The following RCAN2 variants were observed in gnomAD, a reference collection of about 807,000 sequenced individuals.
RCAN2 encodes the protein regulator of calcineurin 2.
A neutral mutation model predicts 23.6 loss-of-function variants in RCAN2; 9 were observed. That is an observed-to-expected ratio of 0.38 (90% CI 0.23 to 0.67). RCAN2 has a LOEUF of 0.67. Ranked by LOEUF, RCAN2 falls within the 30% of genes least tolerant of loss-of-function variation. The pLI is 0.51. For synonymous variants in RCAN2, 109 were observed against 115.7 expected (o/e 0.94, Z 0.37); for missense variants, 273 against 302.3 (o/e 0.90, Z 0.72).
At chr6:46,353,993 G>A (rs112264540) in intron 2 of RCAN2, among the ~76,000 whole-genome samples, 2,309 of 152,142 alleles carry the variant, frequency 0.015, 20 homozygotes, top group Non-Finnish European at 0.024. Flanking sequence ...TTACTTTCTC[G>A]GGTATGGCAG....
chr6:46,446,937 A>T (rs1767730066), intron 2 of RCAN2, among the ~76,000 whole-genome samples: 1 of 152,182 alleles, frequency 6.6e-6, no homozygotes, highest in East Asian at 1.9e-4. Context: ...CAACAGATCT[A>T]CAAAGCAACT....
intron 2 of RCAN2, among the ~76,000 whole-genome samples, chr6:46,435,521 C>T (rs139998010): frequency 6.6e-6 from 1 of 152,318 alleles, no homozygotes; most frequent in East Asian, 1.9e-4. Flanking sequence ...AATGTTAATT[C>T]CTTCTAAAGT....
intron 4 of RCAN2, 68 bp downstream of exon 4, chr6:46,246,680 G>C: frequency 7.3e-7 from 1 of 1,361,402 alleles, no homozygotes. Context: ...TCTCAAGGTT[G>C]TTAATCTCAT....
intron 2 of RCAN2, among the ~76,000 whole-genome samples, chr6:46,329,708 G>A (rs1440759389): frequency 1.3e-5 from 2 of 152,190 alleles, no homozygotes; most frequent in South Asian, 2.1e-4. Context: ...GCTTAGCTCT[G>A]TTCAGGAGTG....
chr6:46,284,288 G>C (rs1334236984), intron 2 of RCAN2, among the ~76,000 whole-genome samples: 3 of 152,138 alleles, frequency 2.0e-5, no homozygotes, highest in African/African-American at 7.2e-5. Flanking sequence ...AGTCTCGGCA[G>C]AGTGGGCATC....
chr6:46,281,284 C>T (rs890964744), intron 2 of RCAN2, among the ~76,000 whole-genome samples: 1 of 152,330 alleles, frequency 6.6e-6, no homozygotes, highest in Admixed American at 6.5e-5. Flanking sequence ...GCAAGACCAG[C>T]TGTCACGAGC....
At chr6:46,424,413 T>C (rs1265893499) in intron 2 of RCAN2, among the ~76,000 whole-genome samples, 1 of 152,154 alleles carries the variant, frequency 6.6e-6, no homozygotes, top group Non-Finnish European at 1.5e-5. Flanking sequence ...GTCCTGCCTC[T>C]GAAGCAAAGG....
chr6:46,340,036 C>A (rs1351022880), intron 2 of RCAN2, among the ~76,000 whole-genome samples: 2 of 151,948 alleles, frequency 1.3e-5, no homozygotes, highest in Admixed American at 6.6e-5. Flanking sequence ...ACATTGCCTG[C>A]CATAAAGCAA....
At chr6:46,386,862 C>T (rs557036991) in intron 2 of RCAN2, among the ~76,000 whole-genome samples, 1 of 152,204 alleles carries the variant, frequency 6.6e-6, no homozygotes, top group East Asian at 1.9e-4. Context: ...TACTACAAGG[C>T]CACAGTAACC....
At chr6:46,332,743 A>T (rs1178949276) in intron 2 of RCAN2, among the ~76,000 whole-genome samples, 2 of 151,972 alleles carry the variant, frequency 1.3e-5, no homozygotes, top group Admixed American at 6.6e-5. Flanking sequence ...AGTCTTTGCT[A>T]TTGTGAATAG....
At chr6:46,484,865 C>T (rs1768955700) in intron 1 of RCAN2, among the ~76,000 whole-genome samples, 1 of 152,112 alleles carries the variant, frequency 6.6e-6, no homozygotes, top group East Asian at 1.9e-4. Context: ...TGAATATTTC[C>T]AGGGTAGGGG....
intron 2 of RCAN2, among the ~76,000 whole-genome samples, chr6:46,345,190 AT>A (rs1764444823): frequency 6.6e-6 from 1 of 152,098 alleles, no homozygotes. Context: ...TAATTTTCAT[AT>A]CAAGAAAATG....
At chr6:46,430,526 G>T (rs981520921) in intron 2 of RCAN2, among the ~76,000 whole-genome samples, 1 of 152,130 alleles carries the variant, frequency 6.6e-6, no homozygotes. Context: ...GGATGAGATT[G>T]CTTAGGAGGA....
chr6:46,359,223 A>G (rs1319383856), intron 2 of RCAN2, among the ~76,000 whole-genome samples: 3 of 152,222 alleles, frequency 2.0e-5, no homozygotes, highest in Admixed American at 1.3e-4. Flanking sequence ...TTGACACTGG[A>G]AAGTACAGAG....
intron 1 of RCAN2, among the ~76,000 whole-genome samples, chr6:46,479,919 C>A (rs1768810861): frequency 6.6e-6 from 1 of 152,094 alleles, no homozygotes; most frequent in African/African-American, 2.4e-5. Flanking sequence ...CATACTGGAC[C>A]AGTGTGCCAT....
chr6:46,489,756 A>C (rs1163407493), intron 1 of RCAN2, among the ~76,000 whole-genome samples: 1 of 152,162 alleles, frequency 6.6e-6, no homozygotes, highest in Non-Finnish European at 1.5e-5. Flanking sequence ...TTCCCTCACA[A>C]AATTCTATGG....
intron 2 of RCAN2, among the ~76,000 whole-genome samples, chr6:46,427,668 C>T (rs1017753032): frequency 2.6e-5 from 4 of 152,134 alleles, no homozygotes; most frequent in Admixed American, 1.3e-4. Context: ...TCTCTTAACC[C>T]GGATTCTGAG....
intron 2 of RCAN2, among the ~76,000 whole-genome samples, chr6:46,350,271 A>G (rs1365005732): frequency 6.6e-6 from 1 of 152,208 alleles, no homozygotes; most frequent in Non-Finnish European, 1.5e-5. Context: ...CATATTGAAC[A>G]ACATCTAGGA....
chr6:46,302,276 G>A (rs1224492349), intron 2 of RCAN2, among the ~76,000 whole-genome samples: 2 of 152,060 alleles, frequency 1.3e-5, no homozygotes, highest in African/African-American at 4.8e-5. Flanking sequence ...GACTTTGGGG[G>A]CAGGAGGGAA....
Sources: allele counts gnomAD v4.1 joint callset (sites outside exome capture counted in the v4.1 genomes callset), GRCh38; gene constraint gnomAD v4.1.1; transcripts MANE v1.5; gene names NCBI Gene and HGNC (gene_info 2026-07-23, HGNC 2026-07-21).